Variants in MEMO1 observed in about 807,000 individuals in gnomAD.
MEMO1 encodes the protein mediator of cell motility 1.
Under a neutral mutation model 45.2 loss-of-function variants are expected in MEMO1, and 6 were observed. That is an observed-to-expected ratio of 0.13 (90% confidence interval 0.07 to 0.26). The LOEUF (loss-of-function observed/expected upper bound fraction) is 0.26. Among genes scored for constraint, MEMO1 ranks in the 10% least tolerant of loss-of-function variants. MEMO1 has a pLI of 1.00. For missense variants in MEMO1, 184 were observed against 370.5 expected (o/e 0.50, Z 4.13); for synonymous variants, 78 against 124.3 (o/e 0.63, Z 2.48).
chr2:31,971,184 A>T lies in MEMO1; in HGVS notation c.62-27801T>A, dbSNP rs1323294598. Among the ~76,000 whole-genome samples, 3 of 152,230 alleles carry T rather than the reference A, an allele frequency of 2.0e-5. No homozygotes were observed. In the East Asian group the frequency reaches 5.8e-4, roughly 29 times the overall value. On this transcript the variant is annotated intron_variant, in intron 2 of 9. Coordinates refer to ENST00000404530, the MANE Select transcript of MEMO1 (RefSeq NM_001301833.4). ...GGATATGTTTGCTGTTAAATTATAA[A>T]GATTGTAGGCCCTCTTTCTTAGGCA...
At chr2:31,939,334 A>G (rs2148300133) in intron 3 of MEMO1, among the ~76,000 whole-genome samples, 1 of 152,338 alleles carries the variant, frequency 6.6e-6, no homozygotes, top group East Asian at 1.9e-4. Context: ...AGCATGTCAC[A>G]GAAACACACC....
At chr2:31,914,876 G>A (rs963109948) in intron 6 of MEMO1, among the ~76,000 whole-genome samples, 2 of 150,872 alleles carry the variant, frequency 1.3e-5, no homozygotes, top group Admixed American at 6.6e-5. Context: ...AAGATCCCTT[G>A]AGCCTAGGAG....
At chr2:31,973,726 A>G (rs1229837851) in intron 2 of MEMO1, among the ~76,000 whole-genome samples, 1 of 152,236 alleles carries the variant, frequency 6.6e-6, no homozygotes, top group East Asian at 1.9e-4. Context: ...AAGAAGTCAC[A>G]TACAATACCA....
chr2:31,978,857 T>C (rs2148492070), intron 2 of MEMO1, among the ~76,000 whole-genome samples: 1 of 152,350 alleles, frequency 6.6e-6, no homozygotes, highest in African/African-American at 2.4e-5. Context: ...ATTATGGCCA[T>C]CTTTACACAT....
In MEMO1 at chr2:31,981,687, CTTAACTTCACTCAATTCCAATAAAT is replaced by C. The variant is rs1170534044; in HGVS notation, c.61+28475_61+28499del. On this transcript the variant is annotated intron_variant, in intron 2 of 9. Transcript: ENST00000404530. ...CAAGAAAGTTCCCAAAAATTCAAGA[CTTAACTTCACTCAATTCCAATAAAT>C]TTATTTTCCAAACACCCAACCACAG... Among the ~76,000 whole-genome samples the C allele has an allele frequency of 2.0e-5, 3 of 152,302 alleles. No individual in the cohort carries two copies. In the East Asian group the frequency reaches 5.8e-4, roughly 29 times the overall value.
At chr2:31,960,878 G>A (rs765437627) in intron 2 of MEMO1, among the ~76,000 whole-genome samples, 1 of 152,068 alleles carries the variant, frequency 6.6e-6, no homozygotes, top group Admixed American at 6.6e-5. Context: ...GAGCCACCAG[G>A]CCTGGCCAAA....
chr2:31,876,322 A>C (rs1377004986), intron 8 of MEMO1, among the ~76,000 whole-genome samples: 2 of 152,040 alleles, frequency 1.3e-5, no homozygotes, highest in African/African-American at 4.8e-5. Flanking sequence ...ATCATTCAGA[A>C]CTCACTTTAA....
At chr2:31,929,391 TA>T (rs149859965) in intron 4 of MEMO1, among the ~76,000 whole-genome samples, 14,721 of 152,214 alleles carry the variant, frequency 0.097, 767 homozygotes, top group Middle Eastern at 0.19. Flanking sequence ...TTTTTTCATG[TA>T]ATTTAATTAT....
At chr2:31,935,099 AATT>A (rs537160689) in intron 3 of MEMO1, among the ~76,000 whole-genome samples, 2 of 152,180 alleles carry the variant, frequency 1.3e-5, no homozygotes, top group African/African-American at 4.8e-5. Flanking sequence ...ATGAGGTAGG[AATT>A]ATTATTATTG....
chr2:31,904,246 T>A (rs559575466), intron 6 of MEMO1, among the ~76,000 whole-genome samples: 78 of 152,360 alleles, frequency 5.1e-4, no homozygotes, highest in African/African-American at 1.9e-3. Flanking sequence ...ATATTACTTA[T>A]GTTGATAAGG....
intron 6 of MEMO1, among the ~76,000 whole-genome samples, chr2:31,901,770 G>T (rs1056739219): frequency 5.9e-5 from 9 of 151,930 alleles, no homozygotes; most frequent in East Asian, 3.9e-4. Context: ...TTAGCTGGGC[G>T]TGGTGGCGTG....
intron 2 of MEMO1, among the ~76,000 whole-genome samples, chr2:31,990,571 C>CTT (rs34456440): frequency 1.4e-4 from 17 of 119,990 alleles, no homozygotes; most frequent in South Asian, 5.3e-4. Context: ...AATTTTTTTT[C>CTT]TTTTTTTTTT....
At chr2:31,961,235 A>G (rs922386883) in intron 2 of MEMO1, among the ~76,000 whole-genome samples, 3 of 151,982 alleles carry the variant, frequency 2.0e-5, no homozygotes, top group Non-Finnish European at 2.9e-5. Context: ...GCAAGTGCCT[A>G]TAATCTCAGC....
chr2:31,943,118 G>T (rs1572758410), intron 3 of MEMO1, among the ~76,000 whole-genome samples, 184 bp downstream of exon 3: 1 of 151,918 alleles, frequency 6.6e-6, no homozygotes. Context: ...TACAAAAATT[G>T]GCCAGGTGTG....
At chr2:31,989,748 T>A (rs914704136) in intron 2 of MEMO1, among the ~76,000 whole-genome samples, 14 of 152,326 alleles carry the variant, frequency 9.2e-5, no homozygotes, top group African/African-American at 2.4e-4. Context: ...TGATTTTTTT[T>A]AAAAAAGGAA....
intron 4 of MEMO1, among the ~76,000 whole-genome samples, chr2:31,921,252 C>CAACCCTG (rs1006249128): frequency 6.6e-6 from 1 of 152,104 alleles, no homozygotes; most frequent in African/African-American, 2.4e-5. Flanking sequence ...AGAAGGGGCC[C>CAACCCTG]AACCCTGACA....
At chr2:31,943,206 A>G in intron 3 of MEMO1, 96 bp downstream of exon 3, 1 of 885,278 alleles carries the variant, frequency 1.1e-6, no homozygotes, top group Non-Finnish European at 1.9e-6. Context: ...CGGAGGTTGC[A>G]GTGAGCCGAG....
At chr2:31,876,884 C>T (rs939669312) in intron 8 of MEMO1, among the ~76,000 whole-genome samples, 20 of 152,334 alleles carry the variant, frequency 1.3e-4, no homozygotes, top group South Asian at 8.3e-4. Context: ...TCTTCTACCA[C>T]CATCACCCTA....
At chr2:31,932,446 T>G (rs1166118574) in intron 3 of MEMO1, among the ~76,000 whole-genome samples, 1 of 150,132 alleles carries the variant, frequency 6.7e-6, no homozygotes, top group East Asian at 1.9e-4. Context: ...TTGTTGTTGT[T>G]TTTTTTTTTT....
Sources: gnomAD v4.1 joint callset for allele counts (sites outside exome capture counted in the v4.1 genomes callset) on GRCh38, gnomAD v4.1.1 for gene constraint, MANE v1.5 for transcripts, NCBI Gene and HGNC (gene_info 2026-07-23, HGNC 2026-07-21) for gene names.